Variants in LARP1 observed in about 807,000 individuals in gnomAD.
The protein encoded by LARP1 is la-related protein 1.
Under a neutral mutation model 122.7 loss-of-function variants are expected in LARP1, and 36 were observed. The observed-to-expected ratio is 0.29, with a 90% CI of 0.22 to 0.39. The LOEUF (loss-of-function observed/expected upper bound fraction) is 0.39. LARP1 is among the 10% of genes least tolerant of loss of function. LARP1 has a pLI of 1.00. For missense variants in LARP1, 1,040 were observed against 1,403.6 expected (o/e 0.74, Z 4.14); for synonymous variants, 539 against 528.7 (o/e 1.02, Z -0.27).
chr5:154,709,136 C>G (rs1481327576), upstream of LARP1, among the ~76,000 whole-genome samples: 1 of 152,166 alleles, frequency 6.6e-6, no homozygotes, highest in Non-Finnish European at 1.5e-5. Context: ...TGAACTGCAG[C>G]CTCTCCCAAA....
At chr5:154,708,410 A>G (rs951406750), upstream of LARP1, among the ~76,000 whole-genome samples, 1 of 152,200 alleles carries the variant, frequency 6.6e-6, no homozygotes, top group African/African-American at 2.4e-5. Context: ...GCCAGTGGTG[A>G]CTATTTTTCT....
intron 7 of LARP1, 83 bp from the exon 8 acceptor site, chr5:154,795,092 G>C: frequency 7.5e-7 from 1 of 1,327,614 alleles, no homozygotes; most frequent in Non-Finnish European, 1.1e-6. Context: ...AGATTGCTGG[G>C]GTGTGTAGCA....
intron 1 of LARP1, among the ~76,000 whole-genome samples, chr5:154,745,206 G>A (rs1158299092): frequency 1.3e-5 from 2 of 152,190 alleles, no homozygotes; most frequent in Admixed American, 6.5e-5. Flanking sequence ...GATTACAGAT[G>A]TGAGCCACCG....
chr5:154,792,717 T>A lies in LARP1; in HGVS notation c.660T>A (p.Ser220Arg). Reference protein sequence around the residue: ...EKGEGSDSKESPKTKSDESGE... With the variant: ...EKGEGSDSKERPKTKSDESGE... Reference sequence around the variant, plus strand: ...GAGAAGGGAGTGATAGTAAGGAGAGTCCAAAAACCAAATCAGATGAATCAG... The same window carrying A: ...GAGAAGGGAGTGATAGTAAGGAGAGACCAAAAACCAAATCAGATGAATCAG... The change falls in exon 4 of 19, where the codon AGT (serine) becomes AGA (arginine). Residue 220 changes from serine (S) to arginine (R), a missense_variant. Around this residue, in one of 8 missense-constraint regions of LARP1, gnomAD observed 257 missense variants for 273.3 expected, o/e 0.94. Transcript: ENST00000518297. 1 of 1,613,082 alleles carries A rather than the reference T, an allele frequency of 6.2e-7. No homozygotes were observed. Among genetic ancestry groups the A allele is most frequent in the Non-Finnish European group, 8.5e-7 (1 of 1,179,730 alleles).
intron 1 of LARP1, among the ~76,000 whole-genome samples, chr5:154,693,469 G>GT (rs1754316532): frequency 6.6e-6 from 1 of 152,168 alleles, no homozygotes; most frequent in South Asian, 2.1e-4. Context: ...CTGGCAAGCA[G>GT]TTTTAAGAGA....
chr5:154,713,163 C>T, intron 1 of LARP1: 1 of 1,565,422 alleles, frequency 6.4e-7, no homozygotes, highest in Non-Finnish European at 8.8e-7. Context: ...TCTTGAACCT[C>T]AGGACAGCAG....
At chr5:154,695,081 C>G (rs561124731) in intron 1 of LARP1, among the ~76,000 whole-genome samples, 1 of 152,140 alleles carries the variant, frequency 6.6e-6, no homozygotes, top group South Asian at 2.1e-4. Flanking sequence ...TTTTGGAGGC[C>G]GAGATGGGCG....
At chr5:154,770,922 G>T (rs771615340) in intron 1 of LARP1, among the ~76,000 whole-genome samples, 1 of 152,050 alleles carries the variant, frequency 6.6e-6, no homozygotes, top group South Asian at 2.1e-4. Flanking sequence ...AGACCAGCCT[G>T]CCCAATGTGG....
At chr5:154,807,456 T>G (rs1758876901) in intron 15 of LARP1, among the ~76,000 whole-genome samples, 1 of 152,194 alleles carries the variant, frequency 6.6e-6, no homozygotes, top group Non-Finnish European at 1.5e-5. Flanking sequence ...ATATAAAATT[T>G]TCGTTTTATA....
At chr5:154,704,910 G>C (rs1754876467) in intron 1 of LARP1, among the ~76,000 whole-genome samples, 1 of 152,012 alleles carries the variant, frequency 6.6e-6, no homozygotes, top group Admixed American at 6.6e-5. Flanking sequence ...CTGAGGTCAG[G>C]AGTTTGAGAC....
intron 1 of LARP1, among the ~76,000 whole-genome samples, chr5:154,738,541 G>C (rs1033759218): frequency 2.0e-5 from 3 of 152,066 alleles, no homozygotes; most frequent in Admixed American, 6.6e-5. Flanking sequence ...GCAGTGAGCC[G>C]AGATCGGGCC....
chr5:154,787,575 G>GTA (rs1196272283), intron 1 of LARP1, among the ~76,000 whole-genome samples: 4 of 152,192 alleles, frequency 2.6e-5, no homozygotes, highest in African/African-American at 9.7e-5. Context: ...AAGCCCAGTA[G>GTA]TATTTTAACA....
chr5:154,747,527 C>G (rs554330035), intron 1 of LARP1, among the ~76,000 whole-genome samples: 6 of 151,872 alleles, frequency 4.0e-5, no homozygotes, highest in African/African-American at 1.2e-4. Flanking sequence ...ACCAACATGG[C>G]TAAACCCCAT....
intron 1 of LARP1, chr5:154,729,405 C>A: frequency 3.0e-6 from 1 of 330,278 alleles, no homozygotes; most frequent in South Asian, 3.1e-5. Flanking sequence ...CATGGCAAAA[C>A]TGAAGAGTCT....
intron 1 of LARP1, among the ~76,000 whole-genome samples, chr5:154,737,436 C>CTTTTTTTTTTT (rs10526758): frequency 1.2e-4 from 11 of 95,306 alleles, no homozygotes; most frequent in African/African-American, 1.8e-4. Flanking sequence ...GAATTTTTCT[C>CTTTTTTTTTTT]TTTTTTTTTT....
intron 1 of LARP1, among the ~76,000 whole-genome samples, chr5:154,719,406 C>T (rs146280228): frequency 1.6e-3 from 238 of 152,164 alleles, no homozygotes; most frequent in African/African-American, 5.5e-3. Context: ...TGACAATCTG[C>T]GAAACCTATG....
rs1158010359 is a variant in LARP1 at position 154,797,221 on chromosome 5, G to GTTTTTTTTT, written c.1377+1923_1377+1931dup. 1.5e-3 allele frequency among the ~76,000 whole-genome samples: 44 copies of GTTTTTTTTT among 29,776 alleles called. 1 individual carries two copies. Among genetic ancestry groups the GTTTTTTTTT allele is most frequent in the East Asian group, 7.2e-3 (6 of 828 alleles). The allele number at this position is 29,776 out of a possible 152,430, so 19.5% of individuals were successfully genotyped here. ...GGAGTTATTCTGTTTTGTTGTTGTTGTTTTTTTTTTTTTTTTTTTTTTTTT... is the reference window on the plus strand; with the variant it reads ...GGAGTTATTCTGTTTTGTTGTTGTTGTTTTTTTTTTTTTTTTTTTTTTTTTTTTTTTTTT... On this transcript the variant is annotated intron_variant, in intron 8 of 18. Coordinates refer to ENST00000518297, the MANE Select transcript of LARP1 (RefSeq NM_033551.3).
At chr5:154,733,021 G>A (rs1323944397) in intron 1 of LARP1, among the ~76,000 whole-genome samples, 1 of 152,126 alleles carries the variant, frequency 6.6e-6, no homozygotes, top group African/African-American at 2.4e-5. Context: ...AAAAAGGTGA[G>A]TGTCTCATAA....
At chr5:154,792,496 C>T (rs149870316) in intron 3 of LARP1, 126 bp from the exon 4 acceptor site, 1 of 824,260 alleles carries the variant, frequency 1.2e-6, no homozygotes, top group Non-Finnish European at 2.0e-6. Flanking sequence ...CCTTAGAATA[C>T]ATCCCATCCA....
Sources: gnomAD v4.1 joint callset for allele counts (sites outside exome capture counted in the v4.1 genomes callset) on GRCh38, gnomAD v4.1.1 for gene constraint, gnomAD v4.1.1 regional missense constraint, MANE v1.5 for transcripts, NCBI Gene and HGNC (gene_info 2026-07-23, HGNC 2026-07-21) for gene names.